ZNF804A: variants seen among roughly 807,000 people sequenced by gnomAD.
ZNF804A encodes the protein zinc finger protein 804A.
In ZNF804A, 2 loss-of-function variants were observed where a neutral mutation model predicts 16.5. The ratio of observed to expected loss-of-function variants is 0.12; its 90% CI spans 0.05 to 0.38. ZNF804A has a LOEUF of 0.38. Among genes scored for constraint, ZNF804A ranks in the 10% least tolerant of loss-of-function variants. The pLI, the probability that ZNF804A is intolerant of heterozygous loss-of-function variation, is 0.99. For missense variants in ZNF804A, 1,473 were observed against 1,390.7 expected (o/e 1.06, Z -0.94); for synonymous variants, 534 against 489.6 (o/e 1.09, Z -1.20).
intron 1 of ZNF804A, among the ~76,000 whole-genome samples, chr2:184,746,676 AC>A (rs1693794586): frequency 6.6e-6 from 1 of 151,126 alleles, no homozygotes; most frequent in Admixed American, 6.6e-5. Context: ...ATATCCATTA[AC>A]CATCCCCACT....
At chr2:184,659,922 A>C (rs1353486598) in intron 1 of ZNF804A, among the ~76,000 whole-genome samples, 1 of 152,178 alleles carries the variant, frequency 6.6e-6, no homozygotes. Flanking sequence ...AACAGGGGGA[A>C]ATGTGTCAAT....
chr2:184,621,041 C>A (rs935168334), intron 1 of ZNF804A, among the ~76,000 whole-genome samples: 1 of 151,074 alleles, frequency 6.6e-6, no homozygotes, highest in African/African-American at 2.4e-5. Context: ...AAATAACAGA[C>A]GAACATAAAC....
intron 2 of ZNF804A, among the ~76,000 whole-genome samples, chr2:184,876,236 T>C (rs1684673810): frequency 6.6e-6 from 1 of 152,336 alleles, no homozygotes; most frequent in Admixed American, 6.5e-5. Flanking sequence ...AACTGCTGTT[T>C]AGTGATCTGA....
chr2:184,659,155 G>C (rs1692127086), intron 1 of ZNF804A, among the ~76,000 whole-genome samples: 1 of 152,158 alleles, frequency 6.6e-6, no homozygotes, highest in Non-Finnish European at 1.5e-5. Context: ...GGTTCGTCTT[G>C]AGTTTGAAAC....
At chr2:184,825,338 A>AG in intron 1 of ZNF804A, among the ~76,000 whole-genome samples, 1 of 152,338 alleles carries the variant, frequency 6.6e-6, no homozygotes, top group African/African-American at 2.4e-5. Context: ...TTTATATATC[A>AG]GAATTTGATC....
intron 2 of ZNF804A, among the ~76,000 whole-genome samples, chr2:184,923,111 A>G (rs945133019): frequency 1.3e-5 from 2 of 152,016 alleles, no homozygotes; most frequent in Non-Finnish European, 2.9e-5. Context: ...TTTAATATGA[A>G]TTGCATTAAA....
chr2:184,842,231 A>G lies in ZNF804A; in HGVS notation c.112-24138A>G, dbSNP rs546559581. Among the ~76,000 whole-genome samples the G allele has an allele frequency of 3.3e-5, 5 of 152,232 alleles. No homozygotes were observed. The East Asian group carries it at 9.7e-4, about 29-fold the overall frequency. ...GTCAAGTGCACAGACTATCACTCCC[A>G]TTTGGAGTTCAAGACAAAGCAGAAT... On this transcript the variant is annotated intron_variant, in intron 1 of 3. Coordinates refer to ENST00000302277, the MANE Select transcript of ZNF804A (RefSeq NM_194250.2).
chr2:184,773,293 C>T (rs1212973647), intron 1 of ZNF804A, among the ~76,000 whole-genome samples: 3 of 151,676 alleles, frequency 2.0e-5, no homozygotes, highest in Admixed American at 2.0e-4. Context: ...CATCAATTCT[C>T]TCTCCAACCA....
intron 2 of ZNF804A, among the ~76,000 whole-genome samples, chr2:184,922,225 A>G (rs145099187): frequency 3.9e-4 from 59 of 152,210 alleles, no homozygotes; most frequent in African/African-American, 1.4e-3. Flanking sequence ...CTAACAGTGT[A>G]CAAGGGTTCC....
intron 1 of ZNF804A, among the ~76,000 whole-genome samples, chr2:184,761,104 C>T (rs1013543302): frequency 5.3e-5 from 8 of 152,158 alleles, no homozygotes; most frequent in African/African-American, 1.4e-4. Context: ...ATACTTTTCA[C>T]GGAACTTAAA....
intron 1 of ZNF804A, among the ~76,000 whole-genome samples, chr2:184,800,685 C>T (rs1385302171): frequency 6.6e-6 from 1 of 151,646 alleles, no homozygotes; most frequent in African/African-American, 2.4e-5. Context: ...TTTAACTAGT[C>T]TAAGTCCCTC....
chr2:184,835,104 A>C (rs550809702), intron 1 of ZNF804A, among the ~76,000 whole-genome samples: 1 of 152,262 alleles, frequency 6.6e-6, no homozygotes, highest in African/African-American at 2.4e-5. Flanking sequence ...AGACCCAGGA[A>C]GATGTTTATA....
chr2:184,639,874 T>C (rs538568688), intron 1 of ZNF804A, among the ~76,000 whole-genome samples: 2,303 of 152,122 alleles, frequency 0.015, 26 homozygotes, highest in Non-Finnish European at 0.023. Context: ...AGGGGGCAGG[T>C]GCCTGTAGTC....
At position 184,598,877 on chromosome 2, in the gene ZNF804A, C is replaced by G; in HGVS notation, c.-83C>G. On this transcript the variant is annotated 5_prime_UTR_variant, in exon 1 of 4. Transcript: ENST00000302277. Reference sequence around the variant, plus strand: ...CCCTCGTGGCGGGTTCCCAGCCCACCGTCGCCGGCCCCGGCGCGCTGCGGC... The same window carrying G: ...CCCTCGTGGCGGGTTCCCAGCCCACGGTCGCCGGCCCCGGCGCGCTGCGGC... The G allele has an allele frequency of 1.2e-6, 1 of 829,956 alleles. No homozygotes were observed. The allele number at this position is 829,956 out of a possible 1,614,324, so 51.4% of individuals were successfully genotyped here.
At chr2:184,796,207 G>C (rs1243475629) in intron 1 of ZNF804A, among the ~76,000 whole-genome samples, 4 of 151,982 alleles carry the variant, frequency 2.6e-5, no homozygotes, top group Admixed American at 2.6e-4. Flanking sequence ...TCCTGGTTTT[G>C]GTATTAGGGT....
chr2:184,841,130 C>T (rs1346985047), intron 1 of ZNF804A, among the ~76,000 whole-genome samples: 1 of 151,980 alleles, frequency 6.6e-6, no homozygotes, highest in African/African-American at 2.4e-5. Context: ...ACGTTTTTGT[C>T]ATATGTCCCT....
chr2:184,839,500 C>G (rs1281753465), intron 1 of ZNF804A, among the ~76,000 whole-genome samples: 1 of 151,896 alleles, frequency 6.6e-6, no homozygotes, highest in Non-Finnish European at 1.5e-5. Context: ...ATTTCTTTAT[C>G]AATAGGATAC....
chr2:184,709,050 C>T (rs1296969835), intron 1 of ZNF804A, among the ~76,000 whole-genome samples: 2 of 152,136 alleles, frequency 1.3e-5, no homozygotes, highest in African/African-American at 2.4e-5. Context: ...AATCCAAACG[C>T]CTCTGCAGTT....
At chr2:184,896,139 ACT>A (rs142145747) in intron 2 of ZNF804A, among the ~76,000 whole-genome samples, 2,948 of 152,210 alleles carry the variant, frequency 0.019, 113 homozygotes, top group African/African-American at 0.066. Context: ...CTCAAGCCAG[ACT>A]CACACAAAAC....
Sources: gnomAD v4.1 joint callset for allele counts (sites outside exome capture counted in the v4.1 genomes callset) on GRCh38, gnomAD v4.1.1 for gene constraint, MANE v1.5 for transcripts, NCBI Gene and HGNC (gene_info 2026-07-23, HGNC 2026-07-21) for gene names.